Variants in MKI67 observed in about 807,000 individuals in gnomAD.
MKI67 encodes marker of proliferation Ki-67.
Under a neutral mutation model 233.5 loss-of-function variants are expected in MKI67, and 152 were observed. The observed-to-expected ratio is 0.65, with a 90% CI of 0.57 to 0.74. The LOEUF (loss-of-function observed/expected upper bound fraction) is 0.74, where lower values mean the gene tolerates loss of function less well. Ranked by LOEUF, MKI67 falls within the 30% of genes least tolerant of loss-of-function variation. The pLI is 0.00. For missense variants in MKI67, 3,940 were observed against 3,885.2 expected, an observed-to-expected ratio of 1.01 and a Z score of -0.37; for synonymous variants, 1,465 against 1,418.5, an observed-to-expected ratio of 1.03 and a Z score of -0.74.
At chr10:128,111,550 T>C in intron 11 of MKI67, 95 bp downstream of exon 11, 2 of 1,074,378 alleles carry the variant, frequency 1.9e-6, no homozygotes, top group Middle Eastern at 2.6e-4. Flanking sequence ...TATAATCTCT[T>C]TCACAGCAGA....
chr10:128,103,195 G>A lies in MKI67; in HGVS notation c.8645C>T (p.Thr2882Met), dbSNP rs375655418. The A allele has an allele frequency of 1.4e-5, 22 of 1,612,684 alleles. No homozygotes were observed. The East Asian group carries it at 2.9e-4, about 21-fold the overall frequency. Residue 2882 changes from threonine (T) to methionine (M), a missense_variant, in exon 13 of 15, where the codon ACG becomes ATG. Coordinates refer to ENST00000368654, the MANE Select transcript of MKI67 (RefSeq NM_002417.5). Reference sequence around the variant, plus strand: ...CTTTGCAGGTTGCTTAAATGCTTTCGTGCCTTTGCCCTCACCTACCGGCTC... The same window carrying A: ...CTTTGCAGGTTGCTTAAATGCTTTCATGCCTTTGCCCTCACCTACCGGCTC... ...DKEPVGEGKG[T>M]KAFKQPAKRK...
In MKI67 at chr10:128,113,410, C is replaced by T. The variant is rs1256110330; in HGVS notation, c.1656+17G>A. ...TGAGCCACTGGGCGTGAATGGGATG[C>T]TGCTTGTTCAACTCACCTTGATGAT... On this transcript the variant is annotated intron_variant, in intron 8 of 14. Transcript: ENST00000368654. The T allele has an allele frequency of 6.2e-7, 1 of 1,613,276 alleles. No individual in the cohort carries two copies. Among genetic ancestry groups the T allele is most frequent in the Non-Finnish European group, 8.5e-7 (1 of 1,179,386 alleles).
In MKI67 at chr10:128,106,982, G is replaced by A. The variant is rs756062972; in HGVS notation, c.4858C>T (p.Pro1620Ser). 1.2e-6 allele frequency: 2 copies of A among 1,614,030 alleles called. No individual in the cohort carries two copies. Among genetic ancestry groups the A allele is most frequent in the Non-Finnish European group, 1.7e-6 (2 of 1,180,028 alleles). ...TAKVACKSSQ[P>S]DPDKNPASSK... ...CTTGCTGGGTTTTTGTCTGGGTCTG[G>A]TTGTGAAGATTTGCAGGCTACTTTG... is the stretch of plus-strand genomic sequence containing the variant. The change falls in exon 13 of 15, where the codon CCA becomes TCA. Residue 1620 changes from proline to serine, a missense_variant. Physicochemically the swap from Pro to Ser is moderately conservative, Grantham distance 74. Coordinates refer to ENST00000368654, the MANE Select transcript of MKI67 (RefSeq NM_002417.5).
At position 128,099,238 on chromosome 10, in the gene MKI67, A is replaced by G; in HGVS notation, c.9723T>C (p.Cys3241=). The G allele has an allele frequency of 6.2e-7, 1 of 1,613,408 alleles. No homozygotes were observed. The highest frequency in any genetic ancestry group is 8.5e-7 in the Non-Finnish European group (1 of 1,179,748). Residue 3241 remains cysteine (C), a synonymous_variant, in exon 15 of 15, where the codon TGT becomes TGC. Coordinates refer to ENST00000368654, the MANE Select transcript of MKI67 (RefSeq NM_002417.5). The part of the protein sequence containing the change: ...ENPKKAEDNV[C]VKKIRTRSHR... ...GACTTCTGGTTCTTATTTTCTTGACACACACATTGTCCTCAGCCTGTGTGG... is the reference window on the plus strand; with the variant it reads ...GACTTCTGGTTCTTATTTTCTTGACGCACACATTGTCCTCAGCCTGTGTGG...
chr10:128,120,550 G>C (rs1277127758), intron 4 of MKI67, among the ~76,000 whole-genome samples: 1 of 151,902 alleles, frequency 6.6e-6, no homozygotes, highest in Non-Finnish European at 1.5e-5. Flanking sequence ...TTCCTACATA[G>C]AAGTCTGTAT....
At chr10:128,114,889 A>G in intron 7 of MKI67, 39 bp downstream of exon 7, 2 of 1,502,034 alleles carry the variant, frequency 1.3e-6, no homozygotes, top group Non-Finnish European at 8.9e-7. Context: ...GAAGGTGTTC[A>G]TCTTTTAGAA....
chr10:128,112,275 A>C lies in MKI67; in HGVS notation c.1827T>G (p.Ser609=). The change falls in exon 9 of 15, where the codon TCT becomes TCG. Residue 609 remains serine, a synonymous_variant. Transcript: ENST00000368654. The part of the protein sequence containing the change: ...CKTAPASSSK[S]QTEVPKRGGR... ...CTCCTCTCTTAGGAACCTCTGTCTGAGATTTGCTGCTGGAAGCAGGGGCTG... is the reference window on the plus strand; with the variant it reads ...CTCCTCTCTTAGGAACCTCTGTCTGCGATTTGCTGCTGGAAGCAGGGGCTG... 6.2e-7 allele frequency: 1 copy of C among 1,614,112 alleles called. No homozygotes were observed. The highest frequency in any genetic ancestry group is 8.5e-7 in the Non-Finnish European group (1 of 1,180,022).
In MKI67 at chr10:128,115,154, G is replaced by A. The variant is rs145954212; in HGVS notation, c.1254C>T (p.Leu418=). 6.2e-6 allele frequency: 10 copies of A among 1,614,128 alleles called. No homozygotes were observed. Among genetic ancestry groups the A allele is most frequent in the Admixed American group, 3.3e-5 (2 of 60,014 alleles). The change falls in exon 7 of 15, where the codon CTC becomes CTT. Residue 418 remains leucine, a synonymous_variant. Coordinates refer to ENST00000368654, the MANE Select transcript of MKI67 (RefSeq NM_002417.5). ...GAATACTTCCTCTGGTTTTGGAAGA[G>A]AGATTTTCTGGCTTAGTGGCAGAGT... is the stretch of plus-strand genomic sequence containing the variant. ...AADSATKPEN[L]SSKTRGSIPT... is the part of the protein sequence containing the mutation.
chr10:128,104,127 G>A lies in MKI67; in HGVS notation c.7713C>T (p.His2571=), dbSNP rs766786695. The part of the protein sequence containing the change: ...DFKELFSAPG[H]TEESMTIDKN... ...TGTCAATAGTCATTGACTCTTCAGT[G>A]TGACCTGGTGCTGAGAAGAGCTCTT... The change falls in exon 13 of 15, where the codon CAC becomes CAT. Residue 2571 remains histidine (H), a synonymous_variant. Transcript: ENST00000368654. The A allele has an allele frequency of 6.2e-6, 10 of 1,614,024 alleles. No homozygotes were observed. The highest frequency in any genetic ancestry group is 5.0e-5 in the Admixed American group (3 of 60,002).
Position 128,108,502 on chromosome 10 carries a change from C to A in MKI67, c.3338G>T (p.Gly1113Val). ...ATCAGTCATTGATTCCTCAGAGGGA[C>A]CTGGTGTCTGGAAGAGCTCTTTGAA... The part of the protein sequence containing the change: ...AGFKELFQTP[G>V]PSEESMTDEK... Residue 1113 changes from glycine to valine, a missense_variant, in exon 13 of 15, where the codon GGT (glycine) becomes GTT (valine). Gly to Val is a moderately radical substitution (Grantham distance 109). Transcript: ENST00000368654. 2 of 1,613,934 alleles carry A rather than the reference C, an allele frequency of 1.2e-6. No homozygotes were observed. The highest frequency in any genetic ancestry group is 8.5e-7 in the Non-Finnish European group (1 of 1,180,000).
rs575504588 is a variant in MKI67 at position 128,126,372 on chromosome 10, G to A, written c.-363C>T. On this transcript the variant is annotated 5_prime_UTR_variant, in exon 1 of 15. Transcript: ENST00000368654. ...CGGCTCTAGCGGCTCCCACCGAGTCGAGTCCTCCCGCCCGCCCGCCCGCCC... is the reference window on the plus strand; with the variant it reads ...CGGCTCTAGCGGCTCCCACCGAGTCAAGTCCTCCCGCCCGCCCGCCCGCCC... The A allele has an allele frequency of 1.9e-5, 2 of 107,078 alleles. No individual in the cohort carries two copies. The highest frequency in any genetic ancestry group is 6.8e-5 in the African/African-American group (2 of 29,544). 6.6% of individuals were successfully genotyped at this position (107,078 alleles called of 1,614,324 possible).
At chr10:128,116,077 C>A (rs970848292) in intron 6 of MKI67, 70 bp from the exon 7 acceptor site, 5 of 1,479,510 alleles carry the variant, frequency 3.4e-6, no homozygotes, top group South Asian at 1.4e-5. Flanking sequence ...TTGTGGAATT[C>A]AATATTTTAA....
Position 128,105,958 on chromosome 10 carries a change from A to C in MKI67, c.5882T>G (p.Phe1961Cys). The change falls in exon 13 of 15, where the codon TTC becomes TGC. Residue 1961 changes from phenylalanine to cysteine, a missense_variant. Coordinates refer to ENST00000368654, the MANE Select transcript of MKI67 (RefSeq NM_002417.5). ...LEDLAGFKEL[F>C]QTPGHTEESM... The stretch of plus-strand genomic sequence containing the variant: ...TTCCTCAGTGTGACCTGGTGTCTGG[A>C]AGAGCTCTTTGAAGCCAGCCAGATC... The C allele has an allele frequency of 6.2e-7, 1 of 1,614,096 alleles. No homozygotes were observed. The highest frequency in any genetic ancestry group is 8.5e-7 in the Non-Finnish European group (1 of 1,180,002).
rs1852542996 is a variant in MKI67, at chr10:128,107,678, T to C, written c.4162A>G (p.Arg1388Gly). The C allele has an allele frequency of 1.2e-6, 2 of 1,613,932 alleles. No homozygotes were observed. The highest frequency in any genetic ancestry group is 2.7e-5 in the African/African-American group (2 of 74,868). Residue 1388 changes from arginine to glycine, a missense_variant, in exon 13 of 15, where the codon AGA (arginine) becomes GGA (glycine). Physicochemically the swap from Arg to Gly is moderately radical, Grantham distance 125 (BLOSUM62 -2). Coordinates refer to ENST00000368654, the MANE Select transcript of MKI67 (RefSeq NM_002417.5). ...TCCAAAGGTGTCTTGGGCTGCCTTC[T>C]TGTGCTTGTTGGGGTGTCTGCTGAT... is the stretch of plus-strand genomic sequence containing the variant. Reference protein sequence around the residue: ...PESADTPTSTRRQPKTPLEKR... With the variant: ...PESADTPTSTGRQPKTPLEKR...
Position 128,098,490 on chromosome 10 carries a change from T to C in MKI67, c.*700A>G, listed in dbSNP as rs1386738959. ...ACCCTGAGATTCCGCGGGTGGAGAA[T>C]GTCTCAGGTGAGAGCAACCCTAGTT... On this transcript the variant is annotated 3_prime_UTR_variant, in exon 15 of 15. Coordinates refer to ENST00000368654, the MANE Select transcript of MKI67 (RefSeq NM_002417.5). The C allele has an allele frequency of 6.6e-6, 1 of 152,154 alleles. No individual in the cohort carries two copies. Among genetic ancestry groups the C allele is most frequent in the Non-Finnish European group, 1.5e-5 (1 of 68,058 alleles). The allele number at this position is 152,154 out of a possible 1,614,324, so 9.4% of individuals were successfully genotyped here.
rs1351798225 is a variant in MKI67, at chr10:128,108,922, G to A, written c.2918C>T (p.Thr973Ile). Reference protein sequence around the residue: ...DLTDLKSLPDTELMKDTARGQ... With the variant: ...DLTDLKSLPDIELMKDTARGQ... ...ACGTGCCGTGTCTTTCATGAGTTCTGTATCAGGCAAGCTCTTGAGGTCTGT... is the reference window on the plus strand; with the variant it reads ...ACGTGCCGTGTCTTTCATGAGTTCTATATCAGGCAAGCTCTTGAGGTCTGT... Residue 973 changes from threonine (T) to isoleucine (I), a missense_variant, in exon 13 of 15, where the codon ACA becomes ATA. Thr to Ile is a moderately conservative substitution (Grantham distance 89, BLOSUM62 -1). Transcript: ENST00000368654. 6.2e-7 allele frequency: 1 copy of A among 1,614,226 alleles called. No homozygotes were observed. The highest frequency in any genetic ancestry group is 1.7e-5 in the Admixed American group (1 of 60,030).
intron 4 of MKI67, among the ~76,000 whole-genome samples, chr10:128,121,773 G>A (rs1222171955): frequency 6.6e-6 from 1 of 151,142 alleles, no homozygotes; most frequent in African/African-American, 2.4e-5. Flanking sequence ...GTATAGTTAT[G>A]TATATTATTG....
rs774228777 is a variant in MKI67 at position 128,106,506 on chromosome 10, T to C, written c.5334A>G (p.Ala1778=). 1.2e-6 allele frequency: 2 copies of C among 1,614,078 alleles called. No individual in the cohort carries two copies. Among genetic ancestry groups the C allele is most frequent in the Non-Finnish European group, 8.5e-7 (1 of 1,180,030 alleles). The part of the protein sequence containing the change: ...FLAFRKQTPS[A]GKAMHTPKPA... ...GTTTGGGTGTGTGCATGGCTTTGCC[T>C]GCTGATGGCGTTTGTTTCCTAAATG... Residue 1778 remains alanine (A), a synonymous_variant, in exon 13 of 15, where the codon GCA becomes GCG. Transcript: ENST00000368654.
chr10:128,123,809 A>C (rs138063020), intron 2 of MKI67, among the ~76,000 whole-genome samples: 228 of 151,786 alleles, frequency 1.5e-3, no homozygotes, highest in East Asian at 1.7e-3. Flanking sequence ...AAGCGACACA[A>C]AAAAAAAATC....
Sources: allele counts gnomAD v4.1 joint callset (sites outside exome capture counted in the v4.1 genomes callset), GRCh38; gene constraint gnomAD v4.1.1; transcripts MANE v1.5; gene names NCBI Gene and HGNC (gene_info 2026-07-23, HGNC 2026-07-21).